GUCY2C: variants seen among roughly 807,000 people sequenced by gnomAD.
GUCY2C encodes guanylyl cyclase C.
A neutral mutation model predicts 131.1 loss-of-function variants in GUCY2C; 118 were observed. That is an observed-to-expected ratio of 0.90 (90% CI 0.78 to 1.05). GUCY2C has a LOEUF of 1.05. Among genes scored for constraint, GUCY2C ranks in the 50% least tolerant of loss-of-function variants. The pLI is 0.00. For missense variants in GUCY2C, 1,161 were observed against 1,304.4 expected (o/e 0.89, Z 1.69); for synonymous variants, 452 against 457.8 (o/e 0.99, Z 0.16).
At position 14,651,522 on chromosome 12, in the gene GUCY2C, G is replaced by T. The variant is rs775183740; in HGVS notation, c.1606-11C>A. On this transcript the variant is annotated splice_polypyrimidine_tract_variant and intron_variant, in intron 14 of 26. Transcript: ENST00000261170. ...GTCAATCTGAAGCAACTAGAAGAAC[G>T]TGTTTGTTTACAAAGCAAATTAGGC... The T allele has an allele frequency of 1.2e-5, 18 of 1,479,440 alleles. No individual in the cohort carries two copies. The highest frequency in any genetic ancestry group is 1.7e-5 in the Non-Finnish European group (18 of 1,061,026). The allele number at this position is 1,479,440 out of a possible 1,614,324, so 91.6% of individuals were successfully genotyped here. A position where few individuals can be genotyped will look rare whatever the true frequency, so the allele number is the denominator to read the frequency against.
At chr12:14,686,548 G>T (rs1244786895) in intron 2 of GUCY2C, among the ~76,000 whole-genome samples, 3 of 152,184 alleles carry the variant, frequency 2.0e-5, no homozygotes, top group Non-Finnish European at 4.4e-5. Flanking sequence ...GTGTCTGTAG[G>T]CCAGATAGTG....
At chr12:14,686,308 C>G in intron 2 of GUCY2C, 83 bp from the exon 3 acceptor site, 1 of 1,003,564 alleles carries the variant, frequency 1.0e-6, no homozygotes. Context: ...GGGGAAGGCT[C>G]CCAGAGGTTT....
At chr12:14,641,708 G>C (rs953686661) in intron 17 of GUCY2C, among the ~76,000 whole-genome samples, 3 of 152,174 alleles carry the variant, frequency 2.0e-5, no homozygotes, top group South Asian at 4.1e-4. Context: ...GGAGGCCAAG[G>C]CAGGTGGATC....
chr12:14,624,292 T>C (rs979848774), intron 21 of GUCY2C, among the ~76,000 whole-genome samples: 1 of 151,860 alleles, frequency 6.6e-6, no homozygotes, highest in Non-Finnish European at 1.5e-5. Context: ...AATGCAAAAA[T>C]TAGCTGGGTG....
chr12:14,688,991 C>T (rs1948528806), intron 1 of GUCY2C, among the ~76,000 whole-genome samples: 1 of 152,154 alleles, frequency 6.6e-6, no homozygotes, highest in Admixed American at 6.5e-5. Flanking sequence ...CAATTTATTC[C>T]AGGATAAGAT....
At chr12:14,653,935 T>C (rs1480951225) in intron 12 of GUCY2C, among the ~76,000 whole-genome samples, 1 of 152,206 alleles carries the variant, frequency 6.6e-6, no homozygotes, top group Non-Finnish European at 1.5e-5. Flanking sequence ...TGGCAGAACC[T>C]AGGCTTGTCT....
intron 17 of GUCY2C, among the ~76,000 whole-genome samples, chr12:14,641,648 A>G (rs546025769): frequency 2.6e-5 from 4 of 152,306 alleles, no homozygotes; most frequent in Admixed American, 6.5e-5. Context: ...CCTTCAAAAT[A>G]CAAATTTTGG....
rs147225656 is a variant in GUCY2C at position 14,690,703 on chromosome 12, G to A, written c.218-2640C>T. Reference sequence around the variant, plus strand: ...ACTACAGGTGCCCACCACCACACCCGGCTAATTTTTTGTAGTTTTAGTAGA... The same window carrying A: ...ACTACAGGTGCCCACCACCACACCCAGCTAATTTTTTGTAGTTTTAGTAGA... On this transcript the variant is annotated intron_variant, in intron 1 of 26. Transcript: ENST00000261170. Among the ~76,000 whole-genome samples, 361 of 152,120 alleles carry A rather than the reference G, an allele frequency of 2.4e-3. 2 individuals carry two copies. The highest frequency in any genetic ancestry group is 7.9e-3 in the African/African-American group (328 of 41,492).
intron 17 of GUCY2C, 90 bp from the exon 18 acceptor site, chr12:14,641,309 C>A: frequency 7.8e-7 from 1 of 1,275,050 alleles, no homozygotes; most frequent in South Asian, 1.3e-5. Flanking sequence ...TTCCCTACAC[C>A]ATCCACTCTA....
intron 1 of GUCY2C, among the ~76,000 whole-genome samples, chr12:14,694,245 T>G (rs1948621054): frequency 6.6e-6 from 1 of 152,220 alleles, no homozygotes. Context: ...CTAACCATAA[T>G]GTTCCACTGC....
At position 14,688,007 on chromosome 12, in the gene GUCY2C, A is replaced by T; in HGVS notation, c.274T>A (p.Ser92Thr). 6.2e-7 allele frequency: 1 copy of T among 1,614,024 alleles called. No homozygotes were observed. The highest frequency in any genetic ancestry group is 8.5e-7 in the Non-Finnish European group (1 of 1,179,864). Reference sequence around the variant, plus strand: ...CAGGTGCTACTCCGGCAGTCGCCTGAGTTATGAATCAGACCATCCGAATAC... The same window carrying T: ...CAGGTGCTACTCCGGCAGTCGCCTGTGTTATGAATCAGACCATCCGAATAC... ...FMYSDGLIHN[S>T]GDCRSSTCEG... is the part of the protein sequence containing the mutation. The change falls in exon 2 of 27, where the codon TCA (serine) becomes ACA (threonine). Residue 92 changes from serine (S) to threonine (T), a missense_variant. By Grantham distance (58) the Ser-to-Thr change is moderately conservative. Coordinates refer to ENST00000261170, the MANE Select transcript of GUCY2C (RefSeq NM_004963.4).
At chr12:14,660,175 T>G (rs1194656452) in intron 11 of GUCY2C, among the ~76,000 whole-genome samples, 7 of 152,206 alleles carry the variant, frequency 4.6e-5, no homozygotes, top group Admixed American at 4.6e-4. Context: ...CAGACCAAAG[T>G]GTGTAATACA....
At chr12:14,644,110 A>C (rs887694934) in intron 16 of GUCY2C, among the ~76,000 whole-genome samples, 3 of 152,222 alleles carry the variant, frequency 2.0e-5, no homozygotes, top group Non-Finnish European at 4.4e-5. Flanking sequence ...CCAAAGGGGC[A>C]GGGTGCCAGG....
At chr12:14,693,031 G>GA (rs1219929389) in intron 1 of GUCY2C, among the ~76,000 whole-genome samples, 1 of 152,004 alleles carries the variant, frequency 6.6e-6, no homozygotes, top group African/African-American at 2.4e-5. Flanking sequence ...GATTTTTCTA[G>GA]AAAATACTAA....
rs1399955027 is a variant in GUCY2C at position 14,630,433 on chromosome 12, A to G, written c.2158-1696T>C. ...GTTCTGCATTCGTGGATTCAACCAA[A>G]TGGGAATGGAAAATGTTTGGAAAAA... On this transcript the variant is annotated intron_variant, in intron 19 of 26. Coordinates refer to ENST00000261170, the MANE Select transcript of GUCY2C (RefSeq NM_004963.4). Among the ~76,000 whole-genome samples the G allele has an allele frequency of 8.5e-5, 13 of 152,182 alleles. 1 individual carries two copies. The highest frequency in any genetic ancestry group is 8.5e-4 in the Admixed American group (13 of 15,276).
intron 19 of GUCY2C, among the ~76,000 whole-genome samples, chr12:14,637,196 C>CAAA (rs3083857): frequency 0.011 from 1,404 of 123,134 alleles, 32 homozygotes; most frequent in South Asian, 0.033. Context: ...CAATAGCTAC[C>CAAA]AAAAAAAAAA....
intron 20 of GUCY2C, among the ~76,000 whole-genome samples, chr12:14,626,268 T>A (rs1592083106): frequency 6.6e-6 from 1 of 151,794 alleles, no homozygotes; most frequent in East Asian, 1.9e-4. Flanking sequence ...TTGCAGTGAG[T>A]CGAGATCATG....
intron 11 of GUCY2C, among the ~76,000 whole-genome samples, chr12:14,658,901 AT>A (rs1308288555): frequency 6.6e-6 from 1 of 151,538 alleles, no homozygotes; most frequent in African/African-American, 2.4e-5. Flanking sequence ...AACTATTTTC[AT>A]TTATATAATG....
At chr12:14,614,661 T>C (rs1946719675) in intron 26 of GUCY2C, 2 of 504,982 alleles carry the variant, frequency 4.0e-6, no homozygotes, top group Non-Finnish European at 6.9e-6. Context: ...TTCTGTTTCA[T>C]TGAGGTCTCA....
Sources: allele counts gnomAD v4.1 joint callset (sites outside exome capture counted in the v4.1 genomes callset), GRCh38; gene constraint gnomAD v4.1.1; transcripts MANE v1.5; gene names NCBI Gene and HGNC (gene_info 2026-07-23, HGNC 2026-07-21).